The following RUNX2 variants were observed in gnomAD, a reference collection of about 807,000 sequenced individuals.
RUNX2 encodes runt-related transcription factor 2.
RUNX2 carries 10 observed loss-of-function variants against 51.7 expected under a neutral mutation model. The ratio of observed to expected loss-of-function variants is 0.19; its 90% CI spans 0.12 to 0.33. The LOEUF (loss-of-function observed/expected upper bound fraction) is 0.33, where lower values mean the gene tolerates loss of function less well. RUNX2 is among the 10% of genes least tolerant of loss of function. The probability of loss-of-function intolerance (pLI) is 1.00; values close to 1 mark genes in which losing one functional copy is unlikely to be tolerated. For missense variants in RUNX2, 562 were observed against 691.3 expected, an observed-to-expected ratio of 0.81 and a Z score of 2.10; for synonymous variants, 276 against 273.6, an observed-to-expected ratio of 1.01 and a Z score of -0.09.
intron 2 of RUNX2, among the ~76,000 whole-genome samples, chr6:45,333,850 T>C (rs1229436592): frequency 6.6e-6 from 1 of 151,224 alleles, no homozygotes; most frequent in Non-Finnish European, 1.5e-5. Context: ...ACAAAAATCA[T>C]ACCAAGGGTG....
At chr6:45,365,088 A>G in intron 2 of RUNX2, 1 of 695,734 alleles carries the variant, frequency 1.4e-6, no homozygotes, top group Non-Finnish European at 2.2e-6. Flanking sequence ...TTTTTACTTG[A>G]TTAATAACAA....
chr6:45,433,913 T>C (rs1415808320), intron 4 of RUNX2, among the ~76,000 whole-genome samples: 2 of 152,204 alleles, frequency 1.3e-5, no homozygotes, highest in Non-Finnish European at 2.9e-5. Flanking sequence ...TCTTATGATC[T>C]TAACTGAAGA....
chr6:45,445,760 A>G (rs572480968), intron 5 of RUNX2, among the ~76,000 whole-genome samples: 4 of 152,028 alleles, frequency 2.6e-5, no homozygotes, highest in Admixed American at 6.5e-5. Context: ...TCTTTAACTT[A>G]AGAGAATAAT....
chr6:45,423,749 G>A (rs1798304321), intron 3 of RUNX2, among the ~76,000 whole-genome samples: 2 of 152,200 alleles, frequency 1.3e-5, no homozygotes, highest in Admixed American at 6.5e-5. Flanking sequence ...CCCGTTACCG[G>A]GAGGAAGGCG....
At chr6:45,353,079 CATT>C (rs200540231) in intron 2 of RUNX2, among the ~76,000 whole-genome samples, 1,869 of 152,164 alleles carry the variant, frequency 0.012, 48 homozygotes, top group African/African-American at 0.043. Flanking sequence ...CCGGCCCACT[CATT>C]AGTCAGTTGT....
At chr6:45,499,800 A>T (rs928235203) in intron 6 of RUNX2, among the ~76,000 whole-genome samples, 1 of 152,194 alleles carries the variant, frequency 6.6e-6, no homozygotes, top group Admixed American at 6.5e-5. Flanking sequence ...CCCCCAAAAC[A>T]GTTCCATTTC....
rs566056237 is a variant in RUNX2 at position 45,431,197 on chromosome 6, A to G, written c.424-666A>G. ...ACATAATAGAACTGAGGCTAAGGGT[A>G]TATATTGTTTTTTTCTTATTTATCA... On this transcript the variant is annotated intron_variant, in intron 3 of 8. Coordinates refer to ENST00000647337, the MANE Select transcript of RUNX2 (RefSeq NM_001024630.4). Among the ~76,000 whole-genome samples the G allele has an allele frequency of 1.7e-3, 260 of 152,254 alleles. 2 individuals are homozygous for G. Among genetic ancestry groups the G allele is most frequent in the Non-Finnish European group, 2.7e-3 (182 of 68,004 alleles).
chr6:45,492,722 A>C (rs1049181320), intron 6 of RUNX2, among the ~76,000 whole-genome samples: 1 of 152,210 alleles, frequency 6.6e-6, no homozygotes, highest in African/African-American at 2.4e-5. Context: ...TCGGCATTAC[A>C]TTACAGACTA....
At chr6:45,463,737 T>C (rs925177831) in intron 5 of RUNX2, among the ~76,000 whole-genome samples, 1 of 152,184 alleles carries the variant, frequency 6.6e-6, no homozygotes, top group African/African-American at 2.4e-5. Context: ...TTATTCTGGG[T>C]CAGCTTTGAG....
chr6:45,405,144 A>G (rs889422452), intron 2 of RUNX2, among the ~76,000 whole-genome samples: 5 of 152,224 alleles, frequency 3.3e-5, no homozygotes, highest in African/African-American at 1.2e-4. Flanking sequence ...ATAAAATCTT[A>G]TTTGCCCATA....
intron 5 of RUNX2, among the ~76,000 whole-genome samples, chr6:45,485,697 G>GTGTGTATATATATATATA (rs1219072282): frequency 1.3e-4 from 14 of 104,062 alleles, no homozygotes; most frequent in African/African-American, 4.9e-4. Context: ...GTGTGTGTGT[G>GTGTGTATATATATATATA]TATATATATA....
At chr6:45,339,432 T>G (rs1789303836) in intron 2 of RUNX2, among the ~76,000 whole-genome samples, 1 of 152,194 alleles carries the variant, frequency 6.6e-6, no homozygotes, top group Non-Finnish European at 1.5e-5. Context: ...CCAAAATATA[T>G]TAATTCCAAA....
Position 45,550,634 on chromosome 6 carries a change from T to C in RUNX2, c.*3329T>C, listed in dbSNP as rs886061509. The C allele has an allele frequency of 3.3e-5, 5 of 152,694 alleles. No individual in the cohort carries two copies. The allele number at this position is 152,694 out of a possible 1,614,324, so 9.5% of individuals were successfully genotyped here. On this transcript the variant is annotated 3_prime_UTR_variant, in exon 9 of 9. Coordinates refer to ENST00000647337, the MANE Select transcript of RUNX2 (RefSeq NM_001024630.4). Reference sequence around the variant, plus strand: ...AATGCATTTAAAAATATTTTCTATGTGAGAATTTTTTAGATGTGTGTTTAC... The same window carrying C: ...AATGCATTTAAAAATATTTTCTATGCGAGAATTTTTTAGATGTGTGTTTAC...
rs764992178 is a variant in RUNX2 at position 45,512,274 on chromosome 6, G to A, written c.888G>A (p.Pro296=). 8.1e-6 allele frequency: 13 copies of A among 1,613,880 alleles called. No homozygotes were observed. Among genetic ancestry groups the A allele is most frequent in the Admixed American group, 6.7e-5 (4 of 59,994 alleles). ...TDPRQAQSSP[P]WSYDQSYPSY... ...CCAGGCAGGCACAGTCTTCCCCGCC[G>A]TGGTCCTATGACCAGTCTTACCCCT... is the stretch of plus-strand genomic sequence containing the variant. Residue 296 remains proline, a synonymous_variant, in exon 7 of 9, where the codon CCG becomes CCA. Coordinates refer to ENST00000647337, the MANE Select transcript of RUNX2 (RefSeq NM_001024630.4).
At chr6:45,431,802 A>G (rs1350927244) in intron 3 of RUNX2, 61 bp from the exon 4 acceptor site, 54 of 1,560,728 alleles carry the variant, frequency 3.5e-5, no homozygotes, top group Non-Finnish European at 2.6e-6. Flanking sequence ...ATGAGAATAT[A>G]TTCTGTTTGT....
chr6:45,461,742 G>A (rs1799481063), intron 5 of RUNX2, among the ~76,000 whole-genome samples: 1 of 147,552 alleles, frequency 6.8e-6, no homozygotes, highest in African/African-American at 2.5e-5. Flanking sequence ...GTGATAGAAT[G>A]AGGCTTACTA....
intron 5 of RUNX2, among the ~76,000 whole-genome samples, chr6:45,483,392 T>C (rs1800170241): frequency 6.6e-6 from 1 of 152,068 alleles, no homozygotes; most frequent in Non-Finnish European, 1.5e-5. Flanking sequence ...TGGACAAAAG[T>C]ACAGATAATT....
chr6:45,451,929 A>G (rs1799185944), intron 5 of RUNX2, among the ~76,000 whole-genome samples: 1 of 152,240 alleles, frequency 6.6e-6, no homozygotes, highest in Non-Finnish European at 1.5e-5. Flanking sequence ...GTGGACATAA[A>G]TAATGAGGGT....
chr6:45,391,070 C>A lies in RUNX2; in HGVS notation c.59-31523C>A, dbSNP rs530715156. Among the ~76,000 whole-genome samples, 9 of 152,244 alleles carry A rather than the reference C, an allele frequency of 5.9e-5. No homozygotes were observed. In the East Asian group the frequency reaches 1.7e-3, roughly 29 times the overall value. ...TGTCCTAGAGAAGCTTATAGTCTAA[C>A]CGGAAAAAATGGACTTCTAAACAAA... On this transcript the variant is annotated intron_variant, in intron 2 of 8. Transcript: ENST00000647337.
Sources: allele counts gnomAD v4.1 joint callset (sites outside exome capture counted in the v4.1 genomes callset), GRCh38; gene constraint gnomAD v4.1.1; transcripts MANE v1.5; gene names NCBI Gene and HGNC (gene_info 2026-07-23, HGNC 2026-07-21).